The following MAN2A1 variants were observed in gnomAD, a reference collection of about 807,000 sequenced individuals.
MAN2A1 encodes mannosidase alpha class 2A member 1.
A neutral mutation model predicts 142.6 loss-of-function variants in MAN2A1; 76 were observed. That is an observed-to-expected ratio of 0.53 (90% CI 0.44 to 0.65). The LOEUF (loss-of-function observed/expected upper bound fraction) is 0.65. Among genes scored for constraint, MAN2A1 ranks in the 30% least tolerant of loss-of-function variants. The pLI is 0.00. For missense variants in MAN2A1, 1,311 were observed against 1,365.1 expected (o/e 0.96, Z 0.62); for synonymous variants, 559 against 473.2 (o/e 1.18, Z -2.35).
intron 3 of MAN2A1, among the ~76,000 whole-genome samples, chr5:109,727,611 A>C (rs565070847): frequency 2.9e-4 from 44 of 152,182 alleles, no homozygotes; most frequent in Admixed American, 1.9e-3. Context: ...TAAGTGTTTT[A>C]ATTGTATACT....
At chr5:109,852,208 C>G (rs377142055) in intron 19 of MAN2A1, among the ~76,000 whole-genome samples, 1 of 151,666 alleles carries the variant, frequency 6.6e-6, no homozygotes, top group African/African-American at 2.4e-5. Flanking sequence ...CAAATCTGCC[C>G]CACAGTCTTC....
chr5:109,696,703 C>G (rs1750822244), intron 1 of MAN2A1, among the ~76,000 whole-genome samples: 1 of 152,238 alleles, frequency 6.6e-6, no homozygotes, highest in South Asian at 2.1e-4. Flanking sequence ...CTCTCAATAT[C>G]CTCTGGGAGT....
chr5:109,747,870 T>C (rs1165484433), intron 4 of MAN2A1, among the ~76,000 whole-genome samples: 1 of 152,192 alleles, frequency 6.6e-6, no homozygotes. Context: ...TGTACCATTT[T>C]ACATCCCACC....
At chr5:109,746,628 A>C (rs1752414693) in intron 4 of MAN2A1, among the ~76,000 whole-genome samples, 1 of 150,466 alleles carries the variant, frequency 6.6e-6, no homozygotes, top group South Asian at 2.1e-4. Context: ...TAAGCATAAC[A>C]TAAAATTTAC....
At chr5:109,852,811 A>G (rs1306256667) in intron 19 of MAN2A1, among the ~76,000 whole-genome samples, 1 of 152,244 alleles carries the variant, frequency 6.6e-6, no homozygotes, top group Non-Finnish European at 1.5e-5. Flanking sequence ...TATGATTTAC[A>G]GTGGAAAGGT....
chr5:109,819,577 G>T (rs1754565312), intron 13 of MAN2A1, 92 bp from the exon 14 acceptor site: 1 of 686,172 alleles, frequency 1.5e-6, no homozygotes, highest in Non-Finnish European at 2.3e-6. Context: ...TAAAAAATAT[G>T]ATAGTTTGTT....
chr5:109,820,006 A>T, intron 14 of MAN2A1, 119 bp downstream of exon 14: 1 of 842,972 alleles, frequency 1.2e-6, no homozygotes, highest in Non-Finnish European at 1.8e-6. Flanking sequence ...AATACTCTTG[A>T]GTAAAAGGAA....
chr5:109,733,020 G>A (rs1047043805), intron 4 of MAN2A1, among the ~76,000 whole-genome samples: 2 of 152,082 alleles, frequency 1.3e-5, no homozygotes, highest in African/African-American at 4.8e-5. Flanking sequence ...CCATTTGTTT[G>A]TATCCTCTTT....
intron 16 of MAN2A1, among the ~76,000 whole-genome samples, chr5:109,831,302 GT>G (rs901805522): frequency 1.3e-5 from 2 of 152,204 alleles, no homozygotes; most frequent in Non-Finnish European, 1.5e-5. Flanking sequence ...GGGTTAGATA[GT>G]TTACTATTAT....
intron 4 of MAN2A1, among the ~76,000 whole-genome samples, chr5:109,750,438 G>T (rs1249223546): frequency 6.6e-6 from 1 of 152,024 alleles, no homozygotes; most frequent in Non-Finnish European, 1.5e-5. Context: ...GCAGTTCAAT[G>T]AAATAGGAGT....
chr5:109,793,766 G>A (rs1162365964), intron 12 of MAN2A1, among the ~76,000 whole-genome samples: 2 of 152,114 alleles, frequency 1.3e-5, no homozygotes, highest in Non-Finnish European at 2.9e-5. Context: ...TTGGATATTG[G>A]GTGAATGTTC....
chr5:109,711,601 G>A lies in MAN2A1; in HGVS notation c.136-1919G>A, dbSNP rs74927312. 9.9e-3 allele frequency among the ~76,000 whole-genome samples: 1,504 copies of A among 152,258 alleles called. 37 individuals carry two copies. The highest frequency in any genetic ancestry group is 0.034 in the African/African-American group (1,401 of 41,548). On this transcript the variant is annotated intron_variant, in intron 1 of 21. Coordinates refer to ENST00000261483, the MANE Select transcript of MAN2A1 (RefSeq NM_002372.4). Reference sequence around the variant, plus strand: ...AAAGGTTTATAGGACGATACTACTCGACAGCTCTGAGGATCTGGAATCTAC... The same window carrying A: ...AAAGGTTTATAGGACGATACTACTCAACAGCTCTGAGGATCTGGAATCTAC...
At chr5:109,855,419 GTATGCTTTAC>G in intron 20 of MAN2A1, 85 bp downstream of exon 20, 1 of 835,980 alleles carries the variant, frequency 1.2e-6, no homozygotes, top group South Asian at 2.5e-5. Flanking sequence ...AAAAAATAAT[GTATGCTTTAC>G]TATGCTTTGA....
At chr5:109,849,329 C>T (rs529244582) in intron 19 of MAN2A1, among the ~76,000 whole-genome samples, 1 of 152,194 alleles carries the variant, frequency 6.6e-6, no homozygotes, top group Admixed American at 6.5e-5. Flanking sequence ...ATTTATCTAT[C>T]TAATTGCTTC....
intron 12 of MAN2A1, among the ~76,000 whole-genome samples, chr5:109,803,252 T>A (rs921338337): frequency 6.6e-6 from 1 of 152,084 alleles, no homozygotes; most frequent in African/African-American, 2.4e-5. Context: ...ATATTTTTTA[T>A]TTTTATTTCT....
intron 5 of MAN2A1, among the ~76,000 whole-genome samples, chr5:109,762,250 T>C (rs1054606203): frequency 6.6e-6 from 1 of 152,208 alleles, no homozygotes; most frequent in Non-Finnish European, 1.5e-5. Flanking sequence ...AGGGCATTTT[T>C]ATTTGACTGT....
intron 7 of MAN2A1, among the ~76,000 whole-genome samples, chr5:109,771,891 T>TG (rs550495903): frequency 1.4e-3 from 213 of 152,190 alleles, no homozygotes; most frequent in African/African-American, 4.9e-3. Flanking sequence ...GTTCTTTTTT[T>TG]GGGGGGTGCT....
At chr5:109,864,011 A>G (rs540379092) in intron 20 of MAN2A1, 1 of 152,324 alleles carries the variant, frequency 6.6e-6, no homozygotes, top group African/African-American at 2.4e-5. Flanking sequence ...ATTAAAATCA[A>G]ATCAGTGGTG....
At chr5:109,705,779 G>A (rs1751113174) in intron 1 of MAN2A1, among the ~76,000 whole-genome samples, 2 of 152,164 alleles carry the variant, frequency 1.3e-5, no homozygotes, top group African/African-American at 4.8e-5. Flanking sequence ...GGGAGAATCT[G>A]TTTCCCTGCC....
Sources: gnomAD v4.1 joint callset for allele counts (sites outside exome capture counted in the v4.1 genomes callset) on GRCh38, gnomAD v4.1.1 for gene constraint, MANE v1.5 for transcripts, NCBI Gene and HGNC (gene_info 2026-07-23, HGNC 2026-07-21) for gene names.